The following TNNI3K variants were observed in gnomAD, a reference collection of about 807,000 sequenced individuals.
The protein encoded by TNNI3K is serine/threonine-protein kinase TNNI3K.
Under a neutral mutation model 114.5 loss-of-function variants are expected in TNNI3K, and 140 were observed. That is an observed-to-expected ratio of 1.22 (90% CI 1.07 to 1.41). The LOEUF is 1.41. TNNI3K is among the 40% of genes most tolerant of loss of function. The probability of loss-of-function intolerance (pLI) is 0.00; values close to 1 mark genes in which losing one functional copy is unlikely to be tolerated. For synonymous variants in TNNI3K, 347 were observed against 347.5 expected, an observed-to-expected ratio of 1.00 and a Z score of 0.02; for missense variants, 1,125 against 1,007.6, an observed-to-expected ratio of 1.12 and a Z score of -1.58.
At chr1:74,503,771 A>T (rs1052117057) in intron 23 of TNNI3K, among the ~76,000 whole-genome samples, 1 of 152,230 alleles carries the variant, frequency 6.6e-6, no homozygotes, top group East Asian at 1.9e-4. Flanking sequence ...TTTTAAGCTC[A>T]TAACTTCTTG....
intron 2 of TNNI3K, among the ~76,000 whole-genome samples, chr1:74,245,398 CA>C (rs1654491783): frequency 6.6e-6 from 1 of 152,138 alleles, no homozygotes; most frequent in South Asian, 2.1e-4. Flanking sequence ...GGTAGCCTTT[CA>C]AAAGGAATGT....
rs200512057 is a variant in TNNI3K, at chr1:74,532,620, C to G, written c.2352-7614C>G. 1.4e-3 allele frequency among the ~76,000 whole-genome samples: 219 copies of G among 151,398 alleles called. 5 individuals carry two copies. Among genetic ancestry groups the G allele is most frequent in the East Asian group, 8.0e-3 (41 of 5,116 alleles). ...AGGTATATCTCCTAATGCTATCCCT[C>G]CCCCCTCGCCCCACCCCACAGCAGT... On this transcript the variant is annotated intron_variant, in intron 23 of 24. Coordinates refer to ENST00000326637, the MANE Select transcript of TNNI3K (RefSeq NM_015978.3).
At chr1:74,463,971 G>C (rs1267189546) in intron 21 of TNNI3K, among the ~76,000 whole-genome samples, 3 of 152,226 alleles carry the variant, frequency 2.0e-5, no homozygotes, top group Non-Finnish European at 2.9e-5. Flanking sequence ...GGAGGCAGAA[G>C]ACCTGGGTCC....
rs1666446873 is a variant in TNNI3K at position 74,443,036 on chromosome 1, C to T, written c.2011+3414C>T. ...GCAGCGTTGAGATAAATTTATAGCA[C>T]TAAATGCCCACCTCAAAAAGCTAGA... On this transcript the variant is annotated intron_variant, in intron 20 of 24. Coordinates refer to ENST00000326637, the MANE Select transcript of TNNI3K (RefSeq NM_015978.3). Among the ~76,000 whole-genome samples, 3 of 152,074 alleles carry T rather than the reference C, an allele frequency of 2.0e-5. No homozygotes were observed. In the South Asian group the frequency reaches 6.2e-4, roughly 32 times the overall value.
At chr1:74,368,025 G>A in intron 13 of TNNI3K, 61 bp downstream of exon 13, 1 of 1,450,166 alleles carries the variant, frequency 6.9e-7, no homozygotes, top group Non-Finnish European at 9.2e-7. Flanking sequence ...TGCTTCAAAT[G>A]TAATTTTCAA....
chr1:74,453,944 A>C (rs531898607), intron 20 of TNNI3K, among the ~76,000 whole-genome samples: 75 of 152,360 alleles, frequency 4.9e-4, no homozygotes, highest in African/African-American at 1.7e-3. Flanking sequence ...CAATTAATTC[A>C]GCATTTTAAA....
At chr1:74,321,827 C>T (rs1404003745) in intron 5 of TNNI3K, among the ~76,000 whole-genome samples, 1 of 151,890 alleles carries the variant, frequency 6.6e-6, no homozygotes, top group African/African-American at 2.4e-5. Flanking sequence ...GATTTTTGTA[C>T]TCAAATACTT....
intron 4 of TNNI3K, among the ~76,000 whole-genome samples, chr1:74,258,209 G>T (rs1655448475): frequency 6.6e-6 from 1 of 152,038 alleles, no homozygotes. Flanking sequence ...CTTTCTCTGT[G>T]CTTGTGCAGC....
intron 2 of TNNI3K, among the ~76,000 whole-genome samples, chr1:74,241,782 T>G (rs1486364504): frequency 6.6e-6 from 1 of 152,110 alleles, no homozygotes; most frequent in African/African-American, 2.4e-5. Context: ...TTAGTTTAAT[T>G]AGATCCCATT....
At chr1:74,339,781 G>T (rs1195253231) in intron 7 of TNNI3K, among the ~76,000 whole-genome samples, 1 of 151,684 alleles carries the variant, frequency 6.6e-6, no homozygotes. Context: ...GATTGAAAAG[G>T]TTAAAATATT....
At chr1:74,472,908 T>A (rs1668006878) in intron 21 of TNNI3K, among the ~76,000 whole-genome samples, 1 of 152,094 alleles carries the variant, frequency 6.6e-6, no homozygotes. Context: ...TGCAAATTCC[T>A]CTTCATGTTA....
intron 5 of TNNI3K, among the ~76,000 whole-genome samples, chr1:74,322,082 C>T (rs1486812628): frequency 6.6e-6 from 1 of 152,118 alleles, no homozygotes; most frequent in African/African-American, 2.4e-5. Flanking sequence ...GCTTTCTAAG[C>T]AATATAAGCC....
intron 21 of TNNI3K, among the ~76,000 whole-genome samples, chr1:74,477,670 C>A (rs1288849745): frequency 6.6e-6 from 1 of 152,190 alleles, no homozygotes; most frequent in Non-Finnish European, 1.5e-5. Flanking sequence ...CCCACTCACT[C>A]CCCTGCTCTT....
intron 7 of TNNI3K, among the ~76,000 whole-genome samples, chr1:74,340,245 A>G (rs1379866357): frequency 1.3e-5 from 2 of 151,914 alleles, no homozygotes; most frequent in Non-Finnish European, 2.9e-5. Context: ...CTATCTACCT[A>G]CTCTCTTCAA....
intron 17 of TNNI3K, among the ~76,000 whole-genome samples, chr1:74,380,797 G>A (rs1384713244): frequency 6.6e-6 from 1 of 151,988 alleles, no homozygotes; most frequent in Non-Finnish European, 1.5e-5. Context: ...TGATATTAAT[G>A]CTGCCGTGTG....
At chr1:74,404,676 C>A (rs1346111635) in intron 17 of TNNI3K, among the ~76,000 whole-genome samples, 1 of 152,212 alleles carries the variant, frequency 6.6e-6, no homozygotes, top group Non-Finnish European at 1.5e-5. Context: ...TTGAGAACCT[C>A]TGGCCTATGC....
intron 2 of TNNI3K, 104 bp from the exon 3 acceptor site, chr1:74,249,355 C>A: frequency 8.7e-7 from 1 of 1,148,434 alleles, no homozygotes; most frequent in Non-Finnish European, 1.2e-6. Flanking sequence ...AGAAAAAATA[C>A]ATTTCTGAAT....
intron 6 of TNNI3K, 137 bp downstream of exon 6, chr1:74,331,685 G>A: frequency 1.4e-6 from 1 of 690,340 alleles, no homozygotes; most frequent in Non-Finnish European, 2.2e-6. Flanking sequence ...ACCCATCCTT[G>A]AGGAGCTTGT....
intron 23 of TNNI3K, among the ~76,000 whole-genome samples, chr1:74,502,143 C>T (rs984298698): frequency 6.6e-6 from 1 of 152,076 alleles, no homozygotes; most frequent in South Asian, 2.1e-4. Flanking sequence ...AACTTCATAG[C>T]ACTTATATTT....
Sources: gnomAD v4.1 joint callset for allele counts (sites outside exome capture counted in the v4.1 genomes callset) on GRCh38, gnomAD v4.1.1 for gene constraint, MANE v1.5 for transcripts, NCBI Gene and HGNC (gene_info 2026-07-23, HGNC 2026-07-21) for gene names.